Variants in NKAIN2 observed in about 807,000 individuals in gnomAD.
NKAIN2 encodes sodium/potassium-transporting ATPase subunit beta-1-interacting protein 2.
NKAIN2 carries 14 observed loss-of-function variants against 32.6 expected under a neutral mutation model. The ratio of observed to expected loss-of-function variants is 0.43; its 90% CI spans 0.28 to 0.67. The LOEUF is 0.67. Among genes scored for constraint, NKAIN2 ranks in the 30% least tolerant of loss-of-function variants. The probability of loss-of-function intolerance (pLI) is 0.17; values close to 1 mark genes in which losing one functional copy is unlikely to be tolerated. For missense variants in NKAIN2, 198 were observed against 258.3 expected (o/e 0.77, Z 1.60); for synonymous variants, 80 against 87.2 (o/e 0.92, Z 0.46).
At chr6:124,039,692 T>G (rs956437220) in intron 1 of NKAIN2, among the ~76,000 whole-genome samples, 4 of 151,958 alleles carry the variant, frequency 2.6e-5, no homozygotes, top group Admixed American at 2.0e-4. Flanking sequence ...AATTATAAAA[T>G]TTGCCCTTTG....
At chr6:124,108,651 T>C in intron 1 of NKAIN2, among the ~76,000 whole-genome samples, 1 of 152,056 alleles carries the variant, frequency 6.6e-6, no homozygotes, top group East Asian at 1.9e-4. Flanking sequence ...CTATGTTTTC[T>C]TCTAAGGGTT....
intron 1 of NKAIN2, among the ~76,000 whole-genome samples, chr6:123,946,928 G>T (rs1283001944): frequency 6.6e-6 from 1 of 152,132 alleles, no homozygotes; most frequent in Non-Finnish European, 1.5e-5. Context: ...CTCCCTACTG[G>T]GAAACGATCA....
At chr6:124,334,726 G>T (rs537987487) in intron 2 of NKAIN2, among the ~76,000 whole-genome samples, 1 of 87,996 alleles carries the variant, frequency 1.1e-5, no homozygotes, top group Non-Finnish European at 2.3e-5. Flanking sequence ...CTAGCTGCAT[G>T]ACTCCTCGCC....
chr6:124,712,794 G>A (rs184787940), intron 4 of NKAIN2, among the ~76,000 whole-genome samples: 203 of 151,962 alleles, frequency 1.3e-3, no homozygotes, highest in Middle Eastern at 6.8e-3. Flanking sequence ...GCTGTAGACC[G>A]GAGCTGTTCC....
intron 1 of NKAIN2, among the ~76,000 whole-genome samples, chr6:124,253,436 A>G (rs201344115): frequency 7.2e-5 from 11 of 152,162 alleles, no homozygotes; most frequent in African/African-American, 2.7e-4. Flanking sequence ...TTATCTCCAT[A>G]TGAAGGGATT....
At chr6:124,110,437 A>C (rs987540746) in intron 1 of NKAIN2, among the ~76,000 whole-genome samples, 2 of 151,962 alleles carry the variant, frequency 1.3e-5, no homozygotes, top group South Asian at 2.1e-4. Context: ...CAGGGAGTGC[A>C]TGTACGGATT....
At chr6:124,043,582 T>C (rs183306710) in intron 1 of NKAIN2, among the ~76,000 whole-genome samples, 2 of 152,190 alleles carry the variant, frequency 1.3e-5, no homozygotes, top group Admixed American at 1.3e-4. Flanking sequence ...AATATTCATT[T>C]TGAGAATATT....
chr6:124,066,189 AT>A (rs1381611904), intron 1 of NKAIN2, among the ~76,000 whole-genome samples: 1 of 152,174 alleles, frequency 6.6e-6, no homozygotes, highest in African/African-American at 2.4e-5. Flanking sequence ...ATTGAGAATT[AT>A]GTATAAGGGT....
At chr6:124,043,644 C>G (rs1034836756) in intron 1 of NKAIN2, among the ~76,000 whole-genome samples, 1 of 152,050 alleles carries the variant, frequency 6.6e-6, no homozygotes, top group Non-Finnish European at 1.5e-5. Context: ...TCAGACCAAA[C>G]AACCAGATGG....
intron 5 of NKAIN2, among the ~76,000 whole-genome samples, chr6:124,815,236 ATATATG>A (rs1377536570): frequency 6.9e-6 from 1 of 144,096 alleles, no homozygotes; most frequent in Middle Eastern, 3.6e-3. Flanking sequence ...ATATATATAT[ATATATG>A]TATATATGTA....
chr6:123,930,594 C>A (rs527939868), intron 1 of NKAIN2, among the ~76,000 whole-genome samples: 14 of 152,174 alleles, frequency 9.2e-5, no homozygotes, highest in African/African-American at 3.4e-4. Flanking sequence ...TGCTATGGTA[C>A]CTTGTTTTGT....
At chr6:123,911,091 A>T (rs1051981985) in intron 1 of NKAIN2, among the ~76,000 whole-genome samples, 1 of 152,102 alleles carries the variant, frequency 6.6e-6, no homozygotes, top group South Asian at 2.1e-4. Flanking sequence ...TTTTATATAC[A>T]TAGGTCTGGC....
chr6:124,121,928 C>T, intron 1 of NKAIN2: 1 of 1,225,804 alleles, frequency 8.2e-7, no homozygotes, highest in Non-Finnish European at 1.1e-6. Flanking sequence ...TATTGTCCCA[C>T]AAATATCTTA....
At chr6:124,304,639 G>A (rs748328318) in intron 2 of NKAIN2, among the ~76,000 whole-genome samples, 57 of 152,200 alleles carry the variant, frequency 3.7e-4, no homozygotes, top group Non-Finnish European at 8.1e-4. Flanking sequence ...TAATTGGCCA[G>A]GCGTGGTGGC....
intron 1 of NKAIN2, among the ~76,000 whole-genome samples, chr6:124,107,274 G>C (rs1281503230): frequency 1.3e-5 from 2 of 152,166 alleles, no homozygotes; most frequent in African/African-American, 4.8e-5. Context: ...TTGTGAGTTA[G>C]TCAATGAAGT....
intron 3 of NKAIN2, among the ~76,000 whole-genome samples, chr6:124,555,026 G>T (rs200036935): frequency 6.6e-6 from 1 of 152,174 alleles, no homozygotes; most frequent in African/African-American, 2.4e-5. Context: ...CCTTGGGTTT[G>T]ATTCCCACTA....
chr6:124,238,581 C>T (rs1460415035), intron 1 of NKAIN2, among the ~76,000 whole-genome samples: 2 of 128,066 alleles, frequency 1.6e-5, no homozygotes, highest in Admixed American at 1.5e-4. Context: ...GTCTGCAGCT[C>T]CCAGCGAGAT....
chr6:123,934,593 G>C (rs1257429583), intron 1 of NKAIN2, among the ~76,000 whole-genome samples: 2 of 151,950 alleles, frequency 1.3e-5, no homozygotes, highest in African/African-American at 4.8e-5. Flanking sequence ...TTGGTATTCT[G>C]TTGAGGCTTA....
chr6:124,375,054 T>C (rs922355234), intron 3 of NKAIN2, among the ~76,000 whole-genome samples: 1 of 151,986 alleles, frequency 6.6e-6, no homozygotes, highest in African/African-American at 2.4e-5. Flanking sequence ...TTTTTTGGTG[T>C]TATTCCATCT....
Sources: gnomAD v4.1 joint callset for allele counts (sites outside exome capture counted in the v4.1 genomes callset) on GRCh38, gnomAD v4.1.1 for gene constraint, MANE v1.5 for transcripts, NCBI Gene and HGNC (gene_info 2026-07-23, HGNC 2026-07-21) for gene names.